The following SLC9C1 variants were observed in gnomAD, a reference collection of about 807,000 sequenced individuals.
The protein encoded by SLC9C1 is solute carrier family 9 member C1.
In SLC9C1, 97 loss-of-function variants were observed where a neutral mutation model predicts 140.9. The ratio of observed to expected loss-of-function variants is 0.69; its 90% CI spans 0.58 to 0.82. SLC9C1 has a LOEUF of 0.82. Among genes scored for constraint, SLC9C1 ranks in the 40% least tolerant of loss-of-function variants. The probability of loss-of-function intolerance (pLI) is 0.00; values close to 1 mark genes in which losing one functional copy is unlikely to be tolerated. For missense variants in SLC9C1, 1,340 were observed against 1,389.3 expected (o/e 0.96, Z 0.56); for synonymous variants, 440 against 442.6 (o/e 0.99, Z 0.07).
chr3:112,235,065 G>A (rs973239231), intron 12 of SLC9C1, among the ~76,000 whole-genome samples: 2 of 150,094 alleles, frequency 1.3e-5, no homozygotes, highest in African/African-American at 2.5e-5. Flanking sequence ...AATTACCTTG[G>A]GCAGTATGGC....
At position 112,219,334 on chromosome 3, in the gene SLC9C1, T is replaced by A. The variant is rs537313225; in HGVS notation, c.1671-1773A>T. On this transcript the variant is annotated intron_variant, in intron 14 of 28. Transcript: ENST00000305815. The stretch of plus-strand genomic sequence containing the variant: ...CAAGAACTGAATATAAGCACATCAA[T>A]AGAAAGTTCTCCAGGGGCTGGAATA... 4.9e-3 allele frequency among the ~76,000 whole-genome samples: 740 copies of A among 149,850 alleles called. 26 individuals are homozygous for A. Among genetic ancestry groups the A allele is most frequent in the Admixed American group, 0.043 (645 of 15,058 alleles).
chr3:112,220,392 A>C (rs1439230256), intron 14 of SLC9C1, among the ~76,000 whole-genome samples: 1 of 152,200 alleles, frequency 6.6e-6, no homozygotes, highest in Non-Finnish European at 1.5e-5. Flanking sequence ...GGGTATGCAC[A>C]CCAAAGGCCG....
chr3:112,259,572 A>T (rs568938784), intron 10 of SLC9C1, among the ~76,000 whole-genome samples: 16 of 152,288 alleles, frequency 1.1e-4, no homozygotes, highest in Admixed American at 1.0e-3. Context: ...GGAGCTAAAC[A>T]TTGAGTACAC....
At chr3:112,282,515 G>A (rs1001777883) in intron 2 of SLC9C1, among the ~76,000 whole-genome samples, 5 of 152,194 alleles carry the variant, frequency 3.3e-5, no homozygotes, top group Admixed American at 6.5e-5. Flanking sequence ...GCTCCTGTTC[G>A]TCCCTCTCAT....
intron 26 of SLC9C1, among the ~76,000 whole-genome samples, chr3:112,159,496 G>C (rs2107879205): frequency 6.6e-6 from 1 of 152,182 alleles, no homozygotes; most frequent in African/African-American, 2.4e-5. Flanking sequence ...GCCTATCCTG[G>C]AGAATATTCC....
intron 26 of SLC9C1, among the ~76,000 whole-genome samples, chr3:112,155,674 G>A (rs1032006624): frequency 6.6e-6 from 1 of 152,080 alleles, no homozygotes; most frequent in Non-Finnish European, 1.5e-5. Flanking sequence ...AAACGCTCAG[G>A]AATGGGAGGC....
At position 112,278,830 on chromosome 3, in the gene SLC9C1, A is replaced by G; in HGVS notation, c.217T>C (p.Trp73Arg). 6.2e-7 allele frequency: 1 copy of G among 1,605,376 alleles called. No homozygotes were observed. Among genetic ancestry groups the G allele is most frequent in the Non-Finnish European group, 8.5e-7 (1 of 1,177,426 alleles). The change falls in exon 4 of 29, where the codon TGG becomes CGG. Residue 73 changes from tryptophan (W) to arginine (R), a missense_variant. By Grantham distance (101) the Trp-to-Arg change is moderately radical (BLOSUM62 -3). Transcript: ENST00000305815. ...CGAAAAAATAAGTCTGGACTCATCC[A>G]TTGTATGGCGTTTGCGTATCTTTGG... ...QVQRYANAIQ[W>R]MSPDLFFRIF...
At chr3:112,214,941 A>G (rs998696000) in intron 15 of SLC9C1, among the ~76,000 whole-genome samples, 1 of 152,242 alleles carries the variant, frequency 6.6e-6, no homozygotes, top group Non-Finnish European at 1.5e-5. Flanking sequence ...CCTGATGAAC[A>G]TCGATGCAAA....
chr3:112,247,107 G>GA (rs1168235177), intron 10 of SLC9C1, among the ~76,000 whole-genome samples: 3 of 152,182 alleles, frequency 2.0e-5, no homozygotes, highest in Non-Finnish European at 4.4e-5. Flanking sequence ...CATTCTCAGA[G>GA]AGGAAAAGGA....
At chr3:112,186,034 T>A in intron 20 of SLC9C1, 1 of 1,366,420 alleles carries the variant, frequency 7.3e-7, no homozygotes. Flanking sequence ...ATTAGCCATT[T>A]AAATATCTTC....
chr3:112,196,254 T>C (rs1049498142), intron 20 of SLC9C1, among the ~76,000 whole-genome samples: 10 of 152,000 alleles, frequency 6.6e-5, no homozygotes, highest in African/African-American at 2.2e-4. Flanking sequence ...GGGTAAGAAA[T>C]CTGCTATTAA....
chr3:112,282,326 G>T (rs2080380179), intron 2 of SLC9C1, among the ~76,000 whole-genome samples: 1 of 152,186 alleles, frequency 6.6e-6, no homozygotes, highest in Non-Finnish European at 1.5e-5. Context: ...TGGACTGGTT[G>T]AGAACAAAGG....
intron 10 of SLC9C1, among the ~76,000 whole-genome samples, chr3:112,254,448 C>CA (rs1165610630): frequency 1.3e-5 from 2 of 152,106 alleles, no homozygotes; most frequent in Non-Finnish European, 2.9e-5. Flanking sequence ...CATTCTTAGA[C>CA]AAAAAATCGT....
At chr3:112,270,954 T>A (rs772149496) in intron 6 of SLC9C1, among the ~76,000 whole-genome samples, 19 of 152,092 alleles carry the variant, frequency 1.2e-4, no homozygotes, top group Non-Finnish European at 2.2e-4. Flanking sequence ...ATAAAGAAAA[T>A]ATGGTAAACA....
intron 23 of SLC9C1, among the ~76,000 whole-genome samples, chr3:112,170,267 C>T (rs563943647): frequency 3.3e-5 from 5 of 152,242 alleles, no homozygotes; most frequent in East Asian, 1.9e-4. Context: ...GCAAACTATG[C>T]GTCTGACAAT....
chr3:112,247,120 A>C (rs2108242638), intron 10 of SLC9C1, among the ~76,000 whole-genome samples: 1 of 152,328 alleles, frequency 6.6e-6, no homozygotes, highest in Non-Finnish European at 1.5e-5. Context: ...GAAAAGGAGA[A>C]TAATAAATAT....
intron 10 of SLC9C1, among the ~76,000 whole-genome samples, chr3:112,253,569 A>C (rs2079522867): frequency 6.6e-6 from 1 of 152,162 alleles, no homozygotes; most frequent in African/African-American, 2.4e-5. Context: ...TTTGCAAATA[A>C]AGACTCTGCA....
At chr3:112,212,261 C>T (rs2078229200) in intron 15 of SLC9C1, among the ~76,000 whole-genome samples, 1 of 152,182 alleles carries the variant, frequency 6.6e-6, no homozygotes, top group African/African-American at 2.4e-5. Flanking sequence ...GGGGAAAAAA[C>T]AGAGCAGAAA....
chr3:112,143,876 T>C (rs1295371064), intron 28 of SLC9C1, among the ~76,000 whole-genome samples: 1 of 152,192 alleles, frequency 6.6e-6, no homozygotes, highest in African/African-American at 2.4e-5. Flanking sequence ...GGTCTTACAT[T>C]TAAATCTTTA....
Sources: gnomAD v4.1 joint callset for allele counts (sites outside exome capture counted in the v4.1 genomes callset) on GRCh38, gnomAD v4.1.1 for gene constraint, MANE v1.5 for transcripts, NCBI Gene and HGNC (gene_info 2026-07-23, HGNC 2026-07-21) for gene names.